Variants in PLXNA2 observed in about 807,000 individuals in gnomAD.
PLXNA2 encodes plexin-A2.
Under a neutral mutation model 193.5 loss-of-function variants are expected in PLXNA2, and 91 were observed. The observed-to-expected ratio is 0.47, with a 90% CI of 0.40 to 0.56. The LOEUF is 0.56. Among genes scored for constraint, PLXNA2 ranks in the 20% least tolerant of loss-of-function variants. PLXNA2 has a pLI of 0.00. For synonymous variants in PLXNA2, 997 were observed against 1,027.3 expected (o/e 0.97, Z 0.56); for missense variants, 1,995 against 2,503.2 (o/e 0.80, Z 4.33).
intron 29 of PLXNA2, 28 bp downstream of exon 29, chr1:208,031,562 C>A: frequency 6.2e-7 from 1 of 1,613,684 alleles, no homozygotes; most frequent in Non-Finnish European, 8.5e-7. Flanking sequence ...CCAGGCTGCA[C>A]CTCCTGCTGA....
rs148647105 is a variant in PLXNA2 at position 208,054,486 on chromosome 1, G to A, written c.2791C>T (p.Arg931Cys). The stretch of plus-strand genomic sequence containing the variant: ...GGCTTACACTCGCCAATACACAGGC[G>A]TACTGGCCCGGAGGTGGTTCCCACG... ...ALVGTTSGPV[R>C]LCIGECKPEF... Residue 931 changes from arginine to cysteine, a missense_variant, in exon 14 of 32, where the codon CGC becomes TGC. This residue lies in a region of PLXNA2 where 1,291 missense variants were observed against 1,673.6 expected (regional missense o/e 0.77). Coordinates refer to ENST00000367033, the MANE Select transcript of PLXNA2 (RefSeq NM_025179.4). The A allele has an allele frequency of 5.9e-5, 95 of 1,614,106 alleles. No individual in the cohort carries two copies. In the East Asian group the frequency reaches 1.2e-3, roughly 20 times the overall value.
chr1:208,117,646 G>C (rs1161891233), intron 4 of PLXNA2, among the ~76,000 whole-genome samples: 2 of 152,164 alleles, frequency 1.3e-5, no homozygotes, highest in African/African-American at 4.8e-5. Context: ...TCGAGGCCCA[G>C]GAAGAACCCA....
chr1:208,183,278 G>C (rs1430762398), intron 3 of PLXNA2, among the ~76,000 whole-genome samples: 1 of 152,174 alleles, frequency 6.6e-6, no homozygotes, highest in African/African-American at 2.4e-5. Context: ...CCGGAGGGAG[G>C]GCAGTGAGAG....
chr1:208,029,635 G>A, intron 29 of PLXNA2: 1 of 987,554 alleles, frequency 1.0e-6, no homozygotes, highest in Non-Finnish European at 1.2e-6. Flanking sequence ...CTGGGCAGGG[G>A]CAGAGGGAGA....
intron 3 of PLXNA2, among the ~76,000 whole-genome samples, chr1:208,207,143 C>G (rs1157178875): frequency 6.6e-6 from 1 of 152,170 alleles, no homozygotes; most frequent in Non-Finnish European, 1.5e-5. Context: ...GTGGCTGGGA[C>G]TACAGGCATG....
At chr1:208,093,870 C>A (rs1363762551) in intron 8 of PLXNA2, among the ~76,000 whole-genome samples, 2 of 152,214 alleles carry the variant, frequency 1.3e-5, no homozygotes, top group Admixed American at 1.3e-4. Context: ...CTCCTCCTCG[C>A]AGCCCCCTTA....
Position 208,218,738 on chromosome 1 carries a change from G to A in PLXNA2, c.-80-736C>T, listed in dbSNP as rs143430253. Among the ~76,000 whole-genome samples, 636 of 152,336 alleles carry A rather than the reference G, an allele frequency of 4.2e-3. 10 individuals carry two copies. Among genetic ancestry groups the A allele is most frequent in the Admixed American group, 0.025 (379 of 15,306 alleles). ...TTCCCACATGTGCCATTCCGGAGCC[G>A]GAAAAGCCCTCGGGAGACAGGCAGA... On this transcript the variant is annotated intron_variant, in intron 1 of 31. Transcript: ENST00000367033.
At chr1:208,214,007 C>T (rs1352846159) in intron 2 of PLXNA2, among the ~76,000 whole-genome samples, 1 of 152,212 alleles carries the variant, frequency 6.6e-6, no homozygotes, top group Non-Finnish European at 1.5e-5. Flanking sequence ...CCTGACAAGG[C>T]CCCCTCTGGG....
intron 4 of PLXNA2, among the ~76,000 whole-genome samples, chr1:208,123,771 A>G (rs575083318): frequency 6.6e-6 from 1 of 152,322 alleles, no homozygotes; most frequent in East Asian, 1.9e-4. Context: ...AGAAAGCAGT[A>G]CCCTTGGGCC....
At chr1:208,203,593 G>C (rs1255886663) in intron 3 of PLXNA2, among the ~76,000 whole-genome samples, 3 of 152,152 alleles carry the variant, frequency 2.0e-5, no homozygotes, top group Non-Finnish European at 4.4e-5. Flanking sequence ...CATCCAACTT[G>C]GCCTTCCATC....
intron 21 of PLXNA2, 62 bp downstream of exon 21, chr1:208,042,999 T>A: frequency 6.4e-7 from 1 of 1,572,356 alleles, no homozygotes; most frequent in Non-Finnish European, 8.7e-7. Flanking sequence ...TCATCTGGAT[T>A]TCCTAGGATA....
At chr1:208,033,885 C>T (rs559401726) in intron 27 of PLXNA2, among the ~76,000 whole-genome samples, 3 of 152,276 alleles carry the variant, frequency 2.0e-5, no homozygotes, top group African/African-American at 7.2e-5. Context: ...TGTAATTCTC[C>T]TCTTGGGAGT....
chr1:208,217,655 C>T lies in PLXNA2; in HGVS notation c.268G>A (p.Asp90Asn), dbSNP rs2102613833. Reference sequence around the variant, plus strand: ...AGGGGCGGGTAACAAGACTTGTTGTCCTCTTCTGGCCCTGTCTTATGAGCC... The same window carrying T: ...AGGGGCGGGTAACAAGACTTGTTGTTCTCTTCTGGCCCTGTCTTATGAGCC... ...QVAHKTGPEE[D>N]NKSCYPPLIV... Residue 90 changes from aspartate to asparagine, a missense_variant, in exon 2 of 32, where the codon GAC (aspartate) becomes AAC (asparagine). By Grantham distance (23) the Asp-to-Asn change is conservative. Transcript: ENST00000367033. The surrounding 1 kb of genome is among the most constrained non-coding windows in gnomAD (Gnocchi z 4.7). 6.2e-7 allele frequency: 1 copy of T among 1,614,188 alleles called. No homozygotes were observed. Among genetic ancestry groups the T allele is most frequent in the East Asian group, 2.2e-5 (1 of 44,876 alleles).
intron 12 of PLXNA2, among the ~76,000 whole-genome samples, chr1:208,071,565 C>G (rs1163584983): frequency 1.3e-5 from 2 of 152,200 alleles, no homozygotes; most frequent in African/African-American, 4.8e-5. Flanking sequence ...TCACAGTAGG[C>G]TAGAGCCCAG....
chr1:208,065,268 G>A (rs1163864717), intron 12 of PLXNA2, among the ~76,000 whole-genome samples: 8 of 152,162 alleles, frequency 5.3e-5, no homozygotes, highest in African/African-American at 9.7e-5. Context: ...GGCTACAGTC[G>A]GATAGGGAAG....
intron 1 of PLXNA2, among the ~76,000 whole-genome samples, chr1:208,240,339 G>A (rs575984946): frequency 5.3e-5 from 8 of 152,266 alleles, no homozygotes; most frequent in Admixed American, 2.6e-4. Context: ...TCCCTCCCTC[G>A]TGCCTTGAGA....
chr1:208,184,332 C>T (rs1319124461), intron 3 of PLXNA2, among the ~76,000 whole-genome samples: 1 of 151,898 alleles, frequency 6.6e-6, no homozygotes, highest in Non-Finnish European at 1.5e-5. Context: ...GGAAGGGGGA[C>T]GCTGTCTGTA....
intron 3 of PLXNA2, among the ~76,000 whole-genome samples, chr1:208,200,803 GCCATGTTGGC>G (rs1670526959): frequency 6.6e-6 from 1 of 151,480 alleles, no homozygotes; most frequent in South Asian, 2.1e-4. Flanking sequence ...ACGGAGTTTC[GCCATGTTGGC>G]CAGGCTGGTC....
intron 4 of PLXNA2, among the ~76,000 whole-genome samples, chr1:208,110,250 A>G (rs1271927071): frequency 6.6e-6 from 1 of 152,226 alleles, no homozygotes; most frequent in Non-Finnish European, 1.5e-5. Context: ...CAAGTCTCCA[A>G]AGAAAAATTC....
Sources: allele counts gnomAD v4.1 joint callset (sites outside exome capture counted in the v4.1 genomes callset), GRCh38; gene constraint gnomAD v4.1.1; regional missense constraint gnomAD v4.1.1; non-coding constraint Gnocchi (gnomAD v3.1); transcripts MANE v1.5; gene names NCBI Gene and HGNC (gene_info 2026-07-23, HGNC 2026-07-21).